The following EYS variants were observed in gnomAD, a reference collection of about 807,000 sequenced individuals.
The protein encoded by EYS is protein eyes shut homolog.
A neutral mutation model predicts 282.1 loss-of-function variants in EYS; 250 were observed. The observed-to-expected ratio is 0.89, with a 90% CI of 0.80 to 0.98. EYS has a LOEUF of 0.98. Among genes scored for constraint, EYS ranks in the 50% least tolerant of loss-of-function variants. EYS has a pLI of 0.00. For missense variants in EYS, 4,016 were observed against 3,709.0 expected (o/e 1.08, Z -2.15); for synonymous variants, 1,355 against 1,282.9 (o/e 1.06, Z -1.20).
intron 8 of EYS, among the ~76,000 whole-genome samples, chr6:65,355,216 C>T (rs1256347079): frequency 6.6e-6 from 1 of 152,076 alleles, no homozygotes; most frequent in Non-Finnish European, 1.5e-5. Flanking sequence ...TCATGTCCCT[C>T]TCACCCTTCC....
chr6:63,741,806 A>G (rs1274362944), intron 41 of EYS: 1 of 626,984 alleles, frequency 1.6e-6, no homozygotes, highest in Non-Finnish European at 3.0e-6. Context: ...CCTAATTCTA[A>G]GCTCCAATCC....
chr6:64,593,241 T>G lies in EYS; in HGVS notation c.3753A>C (p.Gln1251His), dbSNP rs375321470. 5.2e-6 allele frequency: 8 copies of G among 1,550,650 alleles called. No homozygotes were observed. Among genetic ancestry groups the G allele is most frequent in the Middle Eastern group, 3.3e-4 (2 of 6,008 alleles). ...RRITCLTPIF[Q>H]RTDPISTQTY... Reference sequence around the variant, plus strand: ...TCTGTGTGGAAATGGGATCTGTTCTTTGAAAGATGGGAGTTAAACAGGTAA... The same window carrying G: ...TCTGTGTGGAAATGGGATCTGTTCTGTGAAAGATGGGAGTTAAACAGGTAA... Residue 1251 changes from glutamine (Q) to histidine (H), a missense_variant, in exon 25 of 43, where the codon CAA becomes CAC. By Grantham distance (24) the Gln-to-His change is conservative. Coordinates refer to ENST00000503581, the MANE Select transcript of EYS (RefSeq NM_001142800.2).
At chr6:65,598,879 A>G (rs1765510466) in intron 2 of EYS, among the ~76,000 whole-genome samples, 1 of 152,142 alleles carries the variant, frequency 6.6e-6, no homozygotes, top group African/African-American at 2.4e-5. Context: ...CTGTAATCAA[A>G]GGGAGTAGTA....
At chr6:64,585,425 C>A (rs1766204721) in intron 26 of EYS, among the ~76,000 whole-genome samples, 1 of 152,094 alleles carries the variant, frequency 6.6e-6, no homozygotes, top group African/African-American at 2.4e-5. Flanking sequence ...ACACAATACA[C>A]CATGTAACGA....
chr6:64,478,982 T>C (rs1357304457), intron 26 of EYS, among the ~76,000 whole-genome samples: 1 of 151,920 alleles, frequency 6.6e-6, no homozygotes, highest in Admixed American at 6.6e-5. Context: ...TAGATAGTAA[T>C]GTAATTGTCA....
At chr6:65,126,782 G>A (rs1775732528) in intron 12 of EYS, among the ~76,000 whole-genome samples, 1 of 152,166 alleles carries the variant, frequency 6.6e-6, no homozygotes, top group African/African-American at 2.4e-5. Flanking sequence ...AGCCCAGCAT[G>A]TCAACTGATG....
At chr6:64,663,363 T>C (rs939074454) in intron 22 of EYS, among the ~76,000 whole-genome samples, 42 of 96,194 alleles carry the variant, frequency 4.4e-4, no homozygotes, top group African/African-American at 1.8e-3. Flanking sequence ...ACACCATTAA[T>C]TGGACAGTTA....
Position 64,813,537 on chromosome 6 carries a change from T to C in EYS, c.3284A>G (p.Gln1095Arg). The change falls in exon 22 of 43, where the codon CAG becomes CGG. Residue 1095 changes from glutamine to arginine, a missense_variant. By Grantham distance (43) the Gln-to-Arg change is conservative. Coordinates refer to ENST00000503581, the MANE Select transcript of EYS (RefSeq NM_001142800.2). ...GCAAGTAAATCCATGTGCTGACTTC[T>C]GACAGAAGCCTTCATTCATACAAGG... ...SIPCMNEGFCQKSAHGFTCIC... is the reference protein window; with the variant it reads ...SIPCMNEGFCRKSAHGFTCIC... The C allele has an allele frequency of 6.5e-7, 1 of 1,550,206 alleles. No individual in the cohort carries two copies. Among genetic ancestry groups the C allele is most frequent in the Non-Finnish European group, 8.7e-7 (1 of 1,145,970 alleles).
rs1582059195 is a variant in EYS, at chr6:65,246,004, A to G, written c.2023+49859T>C. 5.9e-5 allele frequency among the ~76,000 whole-genome samples: 9 copies of G among 152,156 alleles called. No homozygotes were observed. In the South Asian group the frequency reaches 1.9e-3, roughly 32 times the overall value. On this transcript the variant is annotated intron_variant, in intron 12 of 42. Coordinates refer to ENST00000503581, the MANE Select transcript of EYS (RefSeq NM_001142800.2). ...ACCTTGTTGTCTTTCTATTTTCCTT[A>G]TATTCCTATTATTTCTCCCTAGTAC...
intron 16 of EYS, among the ~76,000 whole-genome samples, chr6:64,906,605 A>G (rs1370117134): frequency 6.6e-6 from 1 of 152,200 alleles, no homozygotes; most frequent in East Asian, 1.9e-4. Context: ...TGATACTGCA[A>G]TTCCATCAAG....
chr6:64,169,295 GA>G (rs1165864448), intron 31 of EYS, among the ~76,000 whole-genome samples: 3 of 152,016 alleles, frequency 2.0e-5, no homozygotes, highest in African/African-American at 7.2e-5. Context: ...ATACTGATAA[GA>G]AAAAAACAGG....
chr6:63,760,915 T>C (rs1769622530), intron 41 of EYS, among the ~76,000 whole-genome samples: 1 of 152,048 alleles, frequency 6.6e-6, no homozygotes, highest in African/African-American at 2.4e-5. Context: ...TTCTAAAAGC[T>C]ATTCCTTTGG....
At chr6:64,573,209 C>T (rs1765777693) in intron 26 of EYS, among the ~76,000 whole-genome samples, 1 of 152,156 alleles carries the variant, frequency 6.6e-6, no homozygotes, top group African/African-American at 2.4e-5. Flanking sequence ...ATTGGGAAAA[C>T]TGGCTAGGCA....
chr6:63,893,904 T>C (rs191553042), intron 35 of EYS, among the ~76,000 whole-genome samples: 1 of 152,248 alleles, frequency 6.6e-6, no homozygotes, highest in Non-Finnish European at 1.5e-5. Context: ...ACTAAGAATA[T>C]AAGTTGTGTA....
intron 9 of EYS, among the ~76,000 whole-genome samples, chr6:65,351,789 ACT>A (rs1386618615): frequency 6.6e-6 from 1 of 151,628 alleles, no homozygotes; most frequent in South Asian, 2.1e-4. Flanking sequence ...CTCAAAAAAT[ACT>A]CTGTGTCCAT....
intron 12 of EYS, among the ~76,000 whole-genome samples, chr6:65,176,508 TA>T (rs1209560597): frequency 6.6e-6 from 1 of 151,668 alleles, no homozygotes; most frequent in East Asian, 1.9e-4. Context: ...TAAAAAAAAC[TA>T]TAACAATAGT....
intron 2 of EYS, among the ~76,000 whole-genome samples, chr6:65,599,810 T>C (rs989501193): frequency 6.6e-6 from 1 of 151,980 alleles, no homozygotes; most frequent in South Asian, 2.1e-4. Flanking sequence ...GTTGGGGGGA[T>C]AAATGGAACT....
intron 35 of EYS, among the ~76,000 whole-genome samples, chr6:63,950,018 A>T (rs901937602): frequency 6.6e-6 from 1 of 151,964 alleles, no homozygotes; most frequent in Non-Finnish European, 1.5e-5. Context: ...CTAAAAATAC[A>T]AAAAATTAGC....
chr6:64,211,695 TAATA>T (rs1765779680), intron 31 of EYS, among the ~76,000 whole-genome samples: 1 of 148,718 alleles, frequency 6.7e-6, no homozygotes. Context: ...ATATATGAAT[TAATA>T]GATTAATATT....
Sources: gnomAD v4.1 joint callset for allele counts (sites outside exome capture counted in the v4.1 genomes callset) on GRCh38, gnomAD v4.1.1 for gene constraint, MANE v1.5 for transcripts, NCBI Gene and HGNC (gene_info 2026-07-23, HGNC 2026-07-21) for gene names.